The following B3GLCT variants were observed in gnomAD, a reference collection of about 807,000 sequenced individuals.
The protein encoded by B3GLCT is beta 3-glucosyltransferase, also known as beta-1,3-glucosyltransferase.
In B3GLCT, 65 loss-of-function variants were observed where a neutral mutation model predicts 63.4. The observed-to-expected ratio is 1.03, with a 90% CI of 0.84 to 1.26. B3GLCT has a LOEUF of 1.26. Among genes scored for constraint, B3GLCT ranks in the 50% most tolerant of loss-of-function variants. The pLI is 0.00. For missense variants in B3GLCT, 577 were observed against 604.8 expected (o/e 0.95, Z 0.48); for synonymous variants, 233 against 219.2 (o/e 1.06, Z -0.55).
intron 12 of B3GLCT, among the ~76,000 whole-genome samples, chr13:31,300,278 T>C (rs902257335): frequency 6.6e-6 from 1 of 152,116 alleles, no homozygotes; most frequent in Non-Finnish European, 1.5e-5. Context: ...AAATTCTGTT[T>C]GATAATGGAA....
At chr13:31,260,812 G>T in intron 6 of B3GLCT, 134 bp from the exon 7 acceptor site, 3 of 792,310 alleles carry the variant, frequency 3.8e-6, no homozygotes, top group East Asian at 5.4e-5. Flanking sequence ...ACATTCTCTA[G>T]AAATATTTAA....
At chr13:31,224,940 G>C (rs1870017541) in intron 3 of B3GLCT, among the ~76,000 whole-genome samples, 1 of 152,206 alleles carries the variant, frequency 6.6e-6, no homozygotes, top group Admixed American at 6.5e-5. Context: ...AGCAACTGAA[G>C]ACATAGAGAG....
intron 2 of B3GLCT, among the ~76,000 whole-genome samples, chr13:31,216,002 A>G (rs2137748015): frequency 6.6e-6 from 1 of 152,314 alleles, no homozygotes; most frequent in East Asian, 1.9e-4. Flanking sequence ...CTAAATGTTT[A>G]CTAGTTGGGC....
chr13:31,255,558 A>C (rs1345150701), intron 6 of B3GLCT, among the ~76,000 whole-genome samples: 1 of 152,228 alleles, frequency 6.6e-6, no homozygotes, highest in African/African-American at 2.4e-5. Flanking sequence ...ACTATACTAC[A>C]AGGCTACAGT....
intron 4 of B3GLCT, among the ~76,000 whole-genome samples, chr13:31,235,755 T>C (rs1870618602): frequency 6.6e-6 from 1 of 152,226 alleles, no homozygotes; most frequent in Admixed American, 6.5e-5. Context: ...AATCATGTTG[T>C]GTAACAGATC....
chr13:31,233,451 G>A (rs1326694516), intron 4 of B3GLCT, among the ~76,000 whole-genome samples: 1 of 152,070 alleles, frequency 6.6e-6, no homozygotes, highest in Non-Finnish European at 1.5e-5. Flanking sequence ...AATGGAAGAT[G>A]TACTTCTCCC....
chr13:31,329,805 G>A lies in B3GLCT; in HGVS notation c.*137G>A. 1 of 950,078 alleles carries A rather than the reference G, an allele frequency of 1.1e-6. No homozygotes were observed. Among genetic ancestry groups the A allele is most frequent in the Non-Finnish European group, 1.6e-6 (1 of 618,994 alleles). The allele number at this position is 950,078 out of a possible 1,614,324, so 58.9% of individuals were successfully genotyped here. On this transcript the variant is annotated 3_prime_UTR_variant, in exon 15 of 15. Coordinates refer to ENST00000343307, the MANE Select transcript of B3GLCT (RefSeq NM_194318.4). ...TCCTGACTTTAGGGGGAGATTTTAT[G>A]TATGGTATTTTTTGACAGAGGAAGA... is the stretch of plus-strand genomic sequence containing the variant.
In B3GLCT at chr13:31,310,574, C is replaced by A. The variant is rs116566240; in HGVS notation, c.1065-6992C>A. Among the ~76,000 whole-genome samples, 838 of 152,300 alleles carry A rather than the reference C, an allele frequency of 5.5e-3. 12 individuals are homozygous for A. The highest frequency in any genetic ancestry group is 0.019 in the African/African-American group (805 of 41,570). ...TTGCTGGTGCTGGGCAGCTGCCCCA[C>A]ATTATGGGAACTGGCAGCGGTGGGG... On this transcript the variant is annotated intron_variant, in intron 12 of 14. Transcript: ENST00000343307.
At chr13:31,279,314 G>T (rs1383244274) in intron 10 of B3GLCT, among the ~76,000 whole-genome samples, 1 of 151,756 alleles carries the variant, frequency 6.6e-6, no homozygotes, top group African/African-American at 2.4e-5. Context: ...TCTTTTCCCT[G>T]TGCACTCTAT....
At chr13:31,284,869 C>A in intron 11 of B3GLCT, 108 bp downstream of exon 11, 1 of 766,832 alleles carries the variant, frequency 1.3e-6, no homozygotes, top group Non-Finnish European at 2.3e-6. Context: ...ATAATTTTTG[C>A]CTCATATTAG....
rs369978745 is a variant in B3GLCT at position 31,269,210 on chromosome 13, C to G, written c.597-4C>G. 2 of 1,602,640 alleles carry G rather than the reference C, an allele frequency of 1.2e-6. No individual in the cohort carries two copies. The highest frequency in any genetic ancestry group is 1.1e-5 in the South Asian group (1 of 90,830). On this transcript the variant is annotated splice_polypyrimidine_tract_variant and splice_region_variant and intron_variant, in intron 7 of 14. Transcript: ENST00000343307. ...AAAAAAATCAAATTGTCTCTATTTT[C>G]TAGGCTTACCAAGAGACTAAAGAGT...
At chr13:31,215,122 T>TCTTTTC in intron 2 of B3GLCT, 22 bp downstream of exon 2, 1 of 1,603,898 alleles carries the variant, frequency 6.2e-7, no homozygotes, top group South Asian at 1.1e-5. Flanking sequence ...AATGATCAAA[T>TCTTTTC]CTTTTCCTCC....
intron 14 of B3GLCT, among the ~76,000 whole-genome samples, chr13:31,328,439 A>C (rs1379261031): frequency 6.6e-6 from 1 of 152,106 alleles, no homozygotes; most frequent in African/African-American, 2.4e-5. Context: ...CACGCCTGCA[A>C]CCTCAGCACT....
chr13:31,303,950 G>GA (rs1387447679), intron 12 of B3GLCT, among the ~76,000 whole-genome samples: 61 of 14,958 alleles, frequency 4.1e-3, no homozygotes, highest in African/African-American at 0.025. Flanking sequence ...ACCCTCAAAG[G>GA]AAAGCCCATC....
intron 4 of B3GLCT, 57 bp from the exon 5 acceptor site, chr13:31,246,966 T>C (rs1358563084): frequency 8.2e-6 from 9 of 1,093,844 alleles, no homozygotes; most frequent in Admixed American, 2.4e-5. Flanking sequence ...TTTTTTTTTT[T>C]ACTTTTTTTC....
At chr13:31,316,407 T>TATATA (rs1555255282) in intron 12 of B3GLCT, among the ~76,000 whole-genome samples, 1 of 40,870 alleles carries the variant, frequency 2.4e-5, no homozygotes, top group Non-Finnish European at 5.4e-5. Context: ...TTTGGAGGTT[T>TATATA]TATATATATA....
chr13:31,300,814 G>T (rs1168924194), intron 12 of B3GLCT, among the ~76,000 whole-genome samples: 11 of 152,152 alleles, frequency 7.2e-5, no homozygotes, highest in Admixed American at 4.6e-4. Context: ...CATGATTCTT[G>T]AGCAGTAAGG....
intron 3 of B3GLCT, 77 bp downstream of exon 3, chr13:31,223,068 T>C: frequency 1.0e-6 from 1 of 980,598 alleles, no homozygotes; most frequent in Non-Finnish European, 1.6e-6. Flanking sequence ...TGAAGTGATT[T>C]TTTTCTGATT....
chr13:31,317,757 T>C (rs1158963755), intron 13 of B3GLCT, 72 bp downstream of exon 13: 19 of 1,590,170 alleles, frequency 1.2e-5, no homozygotes, highest in Non-Finnish European at 1.6e-5. Flanking sequence ...GGTAGGTCTC[T>C]GGCACTGGGA....
Sources: gnomAD v4.1 joint callset for allele counts (sites outside exome capture counted in the v4.1 genomes callset) on GRCh38, gnomAD v4.1.1 for gene constraint, MANE v1.5 for transcripts, NCBI Gene and HGNC (gene_info 2026-07-23, HGNC 2026-07-21) for gene names.